Variants in ITPR2 observed in about 807,000 individuals in gnomAD.
ITPR2 encodes the protein inositol 1,4,5-trisphosphate receptor type 2.
ITPR2 carries 207 observed loss-of-function variants against 317.1 expected under a neutral mutation model. The ratio of observed to expected loss-of-function variants is 0.65; its 90% CI spans 0.58 to 0.73. ITPR2 has a LOEUF of 0.73. ITPR2 is among the 30% of genes least tolerant of loss of function. The pLI, the probability that ITPR2 is intolerant of heterozygous loss-of-function variation, is 0.00. For synonymous variants in ITPR2, 1,156 were observed against 1,149.1 expected, an observed-to-expected ratio of 1.01 and a Z score of -0.12; for missense variants, 2,613 against 3,284.0, an observed-to-expected ratio of 0.80 and a Z score of 4.99.
intron 1 of ITPR2, among the ~76,000 whole-genome samples, chr12:26,817,401 T>G (rs1950878131): frequency 6.6e-6 from 1 of 152,208 alleles, no homozygotes; most frequent in South Asian, 2.1e-4. Context: ...GGTGACTATC[T>G]TAATTCATAC....
intron 10 of ITPR2, among the ~76,000 whole-genome samples, chr12:26,692,966 C>A (rs959281985): frequency 1.3e-5 from 2 of 152,176 alleles, no homozygotes; most frequent in Admixed American, 6.5e-5. Context: ...ACTCTAACAG[C>A]TCCTTTGTTT....
At chr12:26,539,108 T>C in intron 37 of ITPR2, among the ~76,000 whole-genome samples, 1 of 152,196 alleles carries the variant, frequency 6.6e-6, no homozygotes, top group South Asian at 2.1e-4. Flanking sequence ...AAATATTCTC[T>C]GTGAGGACCT....
rs534168677 is a variant in ITPR2 at position 26,391,856 on chromosome 12, G to A, written c.7697-4262C>T. Among the ~76,000 whole-genome samples the A allele has an allele frequency of 3.3e-5, 5 of 152,028 alleles. No individual in the cohort carries two copies. In the East Asian group the frequency reaches 7.8e-4, roughly 24 times the overall value. On this transcript the variant is annotated intron_variant, in intron 54 of 56. Transcript: ENST00000381340. The stretch of plus-strand genomic sequence containing the variant: ...GCTGAGATTACAGGCATGAGCCACC[G>A]TGCCCGGCCTATTCTGAAAGCTTCT...
chr12:26,461,776 C>A (rs1396125903), intron 45 of ITPR2, among the ~76,000 whole-genome samples: 7 of 150,352 alleles, frequency 4.7e-5, no homozygotes, highest in Admixed American at 2.0e-4. Context: ...TTTCTGAGAC[C>A]AGCTGATTTC....
chr12:26,388,698 T>C (rs1356786181), intron 54 of ITPR2, among the ~76,000 whole-genome samples: 2 of 152,070 alleles, frequency 1.3e-5, no homozygotes, highest in African/African-American at 4.8e-5. Flanking sequence ...TTTTAAATAA[T>C]AAGATATAAA....
intron 1 of ITPR2, among the ~76,000 whole-genome samples, chr12:26,803,436 A>AGG (rs2137247330): frequency 6.6e-6 from 1 of 152,358 alleles, no homozygotes; most frequent in South Asian, 2.1e-4. Context: ...AAAATGAGGT[A>AGG]AGTGATGATA....
At position 26,803,610 on chromosome 12, in the gene ITPR2, A is replaced by G. The variant is rs1454599232; in HGVS notation, c.93-13383T>C. ...GACCTCTGAAAATAATCCAGTTAGTAAGAGCTCCTAGACAGAACAGAACAT... is the reference window on the plus strand; with the variant it reads ...GACCTCTGAAAATAATCCAGTTAGTGAGAGCTCCTAGACAGAACAGAACAT... On this transcript the variant is annotated intron_variant, in intron 1 of 56. Transcript: ENST00000381340. Among the ~76,000 whole-genome samples the G allele has an allele frequency of 2.0e-5, 3 of 152,346 alleles. No homozygotes were observed. The Middle Eastern group carries it at 0.01, about 518-fold the overall frequency.
intron 40 of ITPR2, 176 bp downstream of exon 40, chr12:26,486,892 A>G: frequency 1.4e-6 from 1 of 708,686 alleles, no homozygotes; most frequent in South Asian, 1.5e-5. Flanking sequence ...ATTTAAGTTT[A>G]GTCCTGCAGA....
chr12:26,462,950 G>A (rs543404187), intron 45 of ITPR2, among the ~76,000 whole-genome samples: 1 of 152,268 alleles, frequency 6.6e-6, no homozygotes, highest in African/African-American at 2.4e-5. Context: ...GGGATTACAG[G>A]TGTAAGCCAC....
At chr12:26,631,230 G>C (rs958016428) in intron 22 of ITPR2, among the ~76,000 whole-genome samples, 1 of 152,150 alleles carries the variant, frequency 6.6e-6, no homozygotes, top group East Asian at 1.9e-4. Context: ...TATAGCTCTC[G>C]TAATGGGAAG....
intron 37 of ITPR2, among the ~76,000 whole-genome samples, chr12:26,540,612 TAA>T (rs1944232736): frequency 6.6e-6 from 1 of 152,198 alleles, no homozygotes; most frequent in South Asian, 2.1e-4. Context: ...CATAGATCTC[TAA>T]AGAGTGGTAG....
chr12:26,738,345 G>T (rs546381965), intron 2 of ITPR2, among the ~76,000 whole-genome samples: 1 of 152,302 alleles, frequency 6.6e-6, no homozygotes, highest in African/African-American at 2.4e-5. Context: ...TGGGATGTGG[G>T]AGGAAAGGTA....
chr12:26,550,155 G>A, intron 37 of ITPR2, 92 bp downstream of exon 37: 1 of 561,988 alleles, frequency 1.8e-6, no homozygotes, highest in East Asian at 3.1e-5. Context: ...TATAATGCAA[G>A]TAATCACGTA....
chr12:26,463,478 C>G (rs2136789511), intron 45 of ITPR2, among the ~76,000 whole-genome samples: 1 of 152,094 alleles, frequency 6.6e-6, no homozygotes, highest in Non-Finnish European at 1.5e-5. Flanking sequence ...ACCAGCCTGA[C>G]AAACATGGAG....
At chr12:26,618,006 T>C (rs1946409258) in intron 26 of ITPR2, among the ~76,000 whole-genome samples, 2 of 152,156 alleles carry the variant, frequency 1.3e-5, no homozygotes, top group African/African-American at 2.4e-5. Flanking sequence ...TAAAAAATAA[T>C]ATAATCTTAA....
rs1321998698 is a variant in ITPR2, at chr12:26,339,059, C to T, written c.*338G>A. The T allele has an allele frequency of 1.5e-5, 3 of 193,932 alleles. No individual in the cohort carries two copies. The East Asian group carries it at 3.9e-4, about 25-fold the overall frequency. The allele number at this position is 193,932 out of a possible 1,614,324, so 12.0% of individuals were successfully genotyped here. ...TAGTCAGCATTTAAGACAAAACTGACTCCTATCGATTTAGCAGAAGAGAGT... is the reference window on the plus strand; with the variant it reads ...TAGTCAGCATTTAAGACAAAACTGATTCCTATCGATTTAGCAGAAGAGAGT... On this transcript the variant is annotated 3_prime_UTR_variant, in exon 57 of 57. Coordinates refer to ENST00000381340, the MANE Select transcript of ITPR2 (RefSeq NM_002223.4).
At chr12:26,671,434 ATATCCAGCCAAAC>A (rs1313672212) in intron 13 of ITPR2, among the ~76,000 whole-genome samples, 1 of 152,154 alleles carries the variant, frequency 6.6e-6, no homozygotes, top group Non-Finnish European at 1.5e-5. Context: ...CCAGAATTTC[ATATCCAGCCAAAC>A]TAAGCTTCAT....
At chr12:26,348,764 G>C (rs1344035908) in intron 55 of ITPR2, among the ~76,000 whole-genome samples, 1 of 152,036 alleles carries the variant, frequency 6.6e-6, no homozygotes, top group Non-Finnish European at 1.5e-5. Flanking sequence ...AAGGTGGGAG[G>C]ACTGCTTGAG....
At chr12:26,383,413 G>A (rs180769430) in intron 55 of ITPR2, among the ~76,000 whole-genome samples, 142 of 152,198 alleles carry the variant, frequency 9.3e-4, no homozygotes, top group Non-Finnish European at 9.9e-4. Context: ...TGAAGCATTG[G>A]AGGTGAAAAA....
Sources: allele counts gnomAD v4.1 joint callset (sites outside exome capture counted in the v4.1 genomes callset), GRCh38; gene constraint gnomAD v4.1.1; transcripts MANE v1.5; gene names NCBI Gene and HGNC (gene_info 2026-07-23, HGNC 2026-07-21).